The following RAB33B variants were observed in gnomAD, a reference collection of about 807,000 sequenced individuals.
The protein encoded by RAB33B is ras-related protein Rab-33B.
In RAB33B, 6 loss-of-function variants were observed where a neutral mutation model predicts 15.0. The ratio of observed to expected loss-of-function variants is 0.40; its 90% CI spans 0.22 to 0.79. The LOEUF (loss-of-function observed/expected upper bound fraction) is 0.79, where lower values mean the gene tolerates loss of function less well. RAB33B is among the 30% of genes least tolerant of loss of function. RAB33B has a pLI of 0.37. For missense variants in RAB33B, 257 were observed against 296.4 expected, an observed-to-expected ratio of 0.87 and a Z score of 0.98; for synonymous variants, 117 against 108.3, an observed-to-expected ratio of 1.08 and a Z score of -0.50.
chr4:139,444,100 GAT>G, the RAB33B span, among the ~76,000 whole-genome samples: 8 of 152,282 alleles, frequency 5.3e-5, no homozygotes, highest in Non-Finnish European at 1.0e-4. Flanking sequence ...CATGGGAATG[GAT>G]ATTAAGGGTG....
Position 139,474,567 on chromosome 4 carries a change from T to C in RAB33B, c.*1441T>C, listed in dbSNP as rs1298592685. 1 of 152,644 alleles carries C rather than the reference T, an allele frequency of 6.6e-6. No individual in the cohort carries two copies. The highest frequency in any genetic ancestry group is 1.5e-5 in the Non-Finnish European group (1 of 68,038). The allele number at this position is 152,644 out of a possible 1,614,324, so 9.5% of individuals were successfully genotyped here. The stretch of plus-strand genomic sequence containing the variant: ...TATTAGTCTACATGTATTTCTGTAA[T>C]AGTATTGTGTCATATCAATTTTTAA... On this transcript the variant is annotated 3_prime_UTR_variant, in exon 2 of 2. Transcript: ENST00000305626.
chr4:139,467,627 G>A (rs1369831843), intron 1 of RAB33B, among the ~76,000 whole-genome samples: 1 of 151,618 alleles, frequency 6.6e-6, no homozygotes, highest in Non-Finnish European at 1.5e-5. Flanking sequence ...GAGGCTGAAA[G>A]CAGGCAAATC....
rs1255769886 is a variant in RAB33B at position 139,473,356 on chromosome 4, G to A, written c.*230G>A. 1 of 509,882 alleles carries A rather than the reference G, an allele frequency of 2.0e-6. No homozygotes were observed. The highest frequency in any genetic ancestry group is 3.5e-6 in the Non-Finnish European group (1 of 289,784). The allele number at this position is 509,882 out of a possible 1,614,324, so 31.6% of individuals were successfully genotyped here. On this transcript the variant is annotated 3_prime_UTR_variant, in exon 2 of 2. Transcript: ENST00000305626. ...AATGAAGCAAAGATAGGATGAATCT[G>A]AACATCTCTCCATCTAGAGCCCAAT...
upstream of RAB33B, chr4:139,453,621 G>A (rs562195501): frequency 6.6e-6 from 1 of 152,412 alleles, no homozygotes; most frequent in East Asian, 1.9e-4. Context: ...CCTCTCTGGG[G>A]CGACCAAACG....
At chr4:139,472,643 G>T in intron 1 of RAB33B, 43 bp from the exon 2 acceptor site, 1 of 1,381,606 alleles carries the variant, frequency 7.2e-7, no homozygotes, top group Non-Finnish European at 1.0e-6. Flanking sequence ...ATGTATAATT[G>T]GAATGGGATT....
At chr4:139,444,810 C>T in the RAB33B span, among the ~76,000 whole-genome samples, 1 of 152,174 alleles carries the variant, frequency 6.6e-6, no homozygotes, top group African/African-American at 2.4e-5. Context: ...GCTGGCAGAA[C>T]CCCCACATTG....
the RAB33B span, among the ~76,000 whole-genome samples, chr4:139,447,460 G>C: frequency 6.6e-6 from 1 of 152,028 alleles, no homozygotes; most frequent in Admixed American, 6.6e-5. Context: ...ATTACGTTCT[G>C]CTGGCTTAGA....
At chr4:139,456,364 C>T (rs567977137) in intron 1 of RAB33B, among the ~76,000 whole-genome samples, 1 of 152,168 alleles carries the variant, frequency 6.6e-6, no homozygotes, top group South Asian at 2.1e-4. Flanking sequence ...ATTTGAGGGC[C>T]CTTTATCTGT....
chr4:139,459,953 A>G (rs1750142055), intron 1 of RAB33B, among the ~76,000 whole-genome samples: 1 of 152,154 alleles, frequency 6.6e-6, no homozygotes, highest in South Asian at 2.1e-4. Context: ...TAAACCACAT[A>G]GTAAGTACTC....
chr4:139,474,738 G>T lies in RAB33B; in HGVS notation c.*1612G>T, dbSNP rs1175104595. The T allele has an allele frequency of 6.6e-6, 1 of 152,502 alleles. No homozygotes were observed. Among genetic ancestry groups the T allele is most frequent in the Non-Finnish European group, 1.5e-5 (1 of 67,972 alleles). The allele number at this position is 152,502 out of a possible 1,614,324, so 9.4% of individuals were successfully genotyped here. A position where few individuals can be genotyped will look rare whatever the true frequency, so the allele number is the denominator to read the frequency against. On this transcript the variant is annotated 3_prime_UTR_variant, in exon 2 of 2. Coordinates refer to ENST00000305626, the MANE Select transcript of RAB33B (RefSeq NM_031296.3). ...ACTTTTATTTTGAATTTAAGTCTTT[G>T]CACATAAAATATAGCAAGCTTACAT... is the stretch of plus-strand genomic sequence containing the variant.
Position 139,472,863 on chromosome 4 carries a change from C to T in RAB33B, c.427C>T (p.Arg143Trp), listed in dbSNP as rs776147025. The T allele has an allele frequency of 2.1e-5, 34 of 1,614,024 alleles. No individual in the cohort carries two copies. Among genetic ancestry groups the T allele is most frequent in the Middle Eastern group, 1.6e-4 (1 of 6,084 alleles). The change falls in exon 2 of 2, where the codon CGG becomes TGG. Residue 143 changes from arginine to tryptophan, a missense_variant. Transcript: ENST00000305626. ...KQHLLANDIPRILVGNKCDLR... is the reference protein window; with the variant it reads ...KQHLLANDIPWILVGNKCDLR... The stretch of plus-strand genomic sequence containing the variant: ...ACATTTGCTAGCCAATGATATACCA[C>T]GGATTCTTGTTGGAAATAAATGTGA...
At chr4:139,447,963 G>A in the RAB33B span, among the ~76,000 whole-genome samples, 9 of 150,538 alleles carry the variant, frequency 6.0e-5, no homozygotes, top group Admixed American at 3.3e-4. Context: ...CACCGCGCCC[G>A]GCCCAGTCTA....
Position 139,472,734 on chromosome 4 carries a change from G to T in RAB33B, c.298G>T (p.Val100Phe). Residue 100 changes from valine (V) to phenylalanine (F), a missense_variant, in exon 2 of 2, where the codon GTT becomes TTT. Val to Phe is a conservative substitution (Grantham distance 50, BLOSUM62 -1). Transcript: ENST00000305626. ...ACAAGAACGATTCAGAAAGAGCATG[G>T]TTCAGCACTACTACAGAAATGTACA... Reference protein sequence around the residue: ...AGQERFRKSMVQHYYRNVHAV... With the variant: ...AGQERFRKSMFQHYYRNVHAV... The T allele has an allele frequency of 6.2e-7, 1 of 1,613,164 alleles. No homozygotes were observed. Among genetic ancestry groups the T allele is most frequent in the Non-Finnish European group, 8.5e-7 (1 of 1,179,154 alleles).
upstream of RAB33B, chr4:139,452,776 C>T (rs1391827459): frequency 6.6e-6 from 1 of 152,194 alleles, no homozygotes; most frequent in East Asian, 1.9e-4. Flanking sequence ...TCTGTTCTGA[C>T]TATATTTTCA....
chr4:139,464,873 T>C (rs1232481240), intron 1 of RAB33B, among the ~76,000 whole-genome samples: 5 of 152,342 alleles, frequency 3.3e-5, no homozygotes, highest in African/African-American at 1.2e-4. Flanking sequence ...CTTTATAGTC[T>C]CATGATTTAT....
chr4:139,465,971 G>A (rs990157841), intron 1 of RAB33B, among the ~76,000 whole-genome samples: 1 of 149,956 alleles, frequency 6.7e-6, no homozygotes, highest in Non-Finnish European at 1.5e-5. Context: ...TAGGAACAAA[G>A]TAGAGACAAG....
At chr4:139,456,349 T>C (rs1750067776) in intron 1 of RAB33B, among the ~76,000 whole-genome samples, 1 of 150,950 alleles carries the variant, frequency 6.6e-6, no homozygotes, top group African/African-American at 2.4e-5. Flanking sequence ...GGGGGAGGAG[T>C]TGGGATTTGA....
the RAB33B span, among the ~76,000 whole-genome samples, chr4:139,444,197 G>C: frequency 6.6e-6 from 1 of 152,188 alleles, no homozygotes; most frequent in South Asian, 2.1e-4. Flanking sequence ...TGCATTTAAT[G>C]TTGCAGCTCG....
At chr4:139,472,631 A>C in intron 1 of RAB33B, 55 bp from the exon 2 acceptor site, 1 of 1,225,034 alleles carries the variant, frequency 8.2e-7, no homozygotes. Context: ...ACATTTCTTG[A>C]TATGTATAAT....
Sources: allele counts gnomAD v4.1 joint callset (sites outside exome capture counted in the v4.1 genomes callset), GRCh38; gene constraint gnomAD v4.1.1; transcripts MANE v1.5; gene names NCBI Gene and HGNC (gene_info 2026-07-23, HGNC 2026-07-21).